KCNMA1: variants seen among roughly 807,000 people sequenced by gnomAD.
The protein encoded by KCNMA1 is potassium calcium-activated channel subfamily M alpha 1.
A neutral mutation model predicts 140.0 loss-of-function variants in KCNMA1; 29 were observed. The observed-to-expected ratio is 0.21, with a 90% CI of 0.15 to 0.28. The LOEUF is 0.28. KCNMA1 is among the 10% of genes least tolerant of loss of function. KCNMA1 has a pLI of 1.00. For missense variants in KCNMA1, 880 were observed against 1,602.2 expected, an observed-to-expected ratio of 0.55 and a Z score of 7.70; for synonymous variants, 612 against 611.9, an observed-to-expected ratio of 1.00 and a Z score of 0.00.
intron 2 of KCNMA1, among the ~76,000 whole-genome samples, chr10:77,381,320 A>G (rs1254253908): frequency 6.6e-6 from 1 of 152,228 alleles, no homozygotes; most frequent in African/African-American, 2.4e-5. Context: ...ATAAAGAAAA[A>G]ATGAAAGATA....
At chr10:77,431,930 T>C (rs1374896800) in intron 1 of KCNMA1, among the ~76,000 whole-genome samples, 4 of 150,494 alleles carry the variant, frequency 2.7e-5, no homozygotes, top group African/African-American at 9.8e-5. Context: ...GAGGCAGAGG[T>C]TGCAGTGAGC....
chr10:77,512,552 A>T (rs2154548751), intron 1 of KCNMA1, among the ~76,000 whole-genome samples: 1 of 152,340 alleles, frequency 6.6e-6, no homozygotes, highest in Admixed American at 6.5e-5. Flanking sequence ...AGTTCCAGGC[A>T]TCCACTGGGG....
At chr10:77,512,226 C>T (rs551206107) in intron 1 of KCNMA1, among the ~76,000 whole-genome samples, 1 of 152,282 alleles carries the variant, frequency 6.6e-6, no homozygotes, top group South Asian at 2.1e-4. Flanking sequence ...TGCTTTATCT[C>T]TTGCTTTCCC....
chr10:77,286,597 T>A (rs1249032297), intron 2 of KCNMA1, among the ~76,000 whole-genome samples: 1 of 152,186 alleles, frequency 6.6e-6, no homozygotes, highest in Non-Finnish European at 1.5e-5. Flanking sequence ...AAAATTCCCA[T>A]GGAAGGAGGC....
intron 4 of KCNMA1, among the ~76,000 whole-genome samples, chr10:77,184,345 G>C (rs1598184255): frequency 6.6e-6 from 1 of 152,016 alleles, no homozygotes; most frequent in Non-Finnish European, 1.5e-5. Flanking sequence ...TCAGCCTCCT[G>C]AGTAGCTGGG....
intron 3 of KCNMA1, among the ~76,000 whole-genome samples, chr10:77,248,878 G>A (rs2059150248): frequency 6.6e-6 from 1 of 152,094 alleles, no homozygotes; most frequent in Non-Finnish European, 1.5e-5. Flanking sequence ...CTTTCCCAAG[G>A]AAGATGGAAA....
At chr10:76,909,176 A>C (rs1180798408) in intron 25 of KCNMA1, among the ~76,000 whole-genome samples, 3 of 151,952 alleles carry the variant, frequency 2.0e-5, no homozygotes, top group Admixed American at 6.6e-5. Context: ...GTCATCTTTG[A>C]CCCACTGTCC....
At chr10:77,095,864 G>A (rs2096919637) in intron 9 of KCNMA1, among the ~76,000 whole-genome samples, 1 of 152,182 alleles carries the variant, frequency 6.6e-6, no homozygotes, top group Non-Finnish European at 1.5e-5. Flanking sequence ...GCAGAAGGCA[G>A]AAGAGGACAG....
rs530725608 is a variant in KCNMA1, at chr10:77,616,677, G to A, written c.378+20588C>T. On this transcript the variant is annotated intron_variant, in intron 1 of 27. Coordinates refer to ENST00000286628, the MANE Select transcript of KCNMA1 (RefSeq NM_001161352.2). ...AGAAATTAGCCGGACATGGTGGTGC[G>A]CACCTGTAATCCCAGCTACTCGGGA... is the stretch of plus-strand genomic sequence containing the variant. Among the ~76,000 whole-genome samples, 26 of 152,034 alleles carry A rather than the reference G, an allele frequency of 1.7e-4. No homozygotes were observed. In the East Asian group the frequency reaches 4.1e-3, roughly 24 times the overall value.
intron 5 of KCNMA1, among the ~76,000 whole-genome samples, chr10:77,141,505 G>A (rs2098169635): frequency 6.6e-6 from 1 of 152,210 alleles, no homozygotes; most frequent in Non-Finnish European, 1.5e-5. Context: ...GACACAGTGA[G>A]AGGGCAGCCG....
At chr10:77,629,952 G>T (rs1213184984) in intron 1 of KCNMA1, among the ~76,000 whole-genome samples, 2 of 152,186 alleles carry the variant, frequency 1.3e-5, no homozygotes, top group African/African-American at 4.8e-5. Context: ...CATGGAAAAA[G>T]TCCCTGACAG....
intron 2 of KCNMA1, among the ~76,000 whole-genome samples, chr10:77,332,693 C>T (rs775120559): frequency 1.7e-4 from 26 of 152,214 alleles, no homozygotes; most frequent in Non-Finnish European, 2.8e-4. Context: ...ACTAGCAGTA[C>T]ACTTGAACAC....
chr10:77,037,121 AGG>A (rs1594397196), intron 15 of KCNMA1, among the ~76,000 whole-genome samples: 1 of 152,302 alleles, frequency 6.6e-6, no homozygotes, highest in East Asian at 1.9e-4. Context: ...AATCAATCAA[AGG>A]GAATATTCAC....
At chr10:77,385,032 G>C (rs2095554587) in intron 2 of KCNMA1, among the ~76,000 whole-genome samples, 1 of 152,118 alleles carries the variant, frequency 6.6e-6, no homozygotes, top group South Asian at 2.1e-4. Context: ...CTGTAACATG[G>C]GGACAAGAGA....
intron 2 of KCNMA1, among the ~76,000 whole-genome samples, chr10:77,332,240 A>G (rs1262768565): frequency 1.3e-5 from 2 of 152,110 alleles, no homozygotes; most frequent in Non-Finnish European, 2.9e-5. Flanking sequence ...AGGGGATGAG[A>G]GGGAAAAAAA....
At chr10:77,114,713 CTCCA>C (rs2097411290) in intron 6 of KCNMA1, among the ~76,000 whole-genome samples, 1 of 152,256 alleles carries the variant, frequency 6.6e-6, no homozygotes, top group African/African-American at 2.4e-5. Context: ...CGGCTCTCAA[CTCCA>C]GCCATTCATT....
intron 19 of KCNMA1, chr10:76,977,816 A>G: frequency 3.5e-6 from 2 of 578,946 alleles, no homozygotes. Flanking sequence ...TGAGTTTCAC[A>G]TTTTCCAACT....
chr10:77,498,346 C>T (rs1018561211), intron 1 of KCNMA1, among the ~76,000 whole-genome samples: 1 of 152,188 alleles, frequency 6.6e-6, no homozygotes, highest in South Asian at 2.1e-4. Flanking sequence ...AATCACATGG[C>T]AGATACATCC....
At chr10:77,551,820 G>C (rs1021733239) in intron 1 of KCNMA1, among the ~76,000 whole-genome samples, 1 of 152,138 alleles carries the variant, frequency 6.6e-6, no homozygotes, top group East Asian at 1.9e-4. Context: ...CCATCAACCA[G>C]AGGACAGATG....
Sources: gnomAD v4.1 joint callset for allele counts (sites outside exome capture counted in the v4.1 genomes callset) on GRCh38, gnomAD v4.1.1 for gene constraint, MANE v1.5 for transcripts, NCBI Gene and HGNC (gene_info 2026-07-23, HGNC 2026-07-21) for gene names.